Variants in KAZN observed in about 807,000 individuals in gnomAD.
The protein encoded by KAZN is kazrin, periplakin interacting protein.
KAZN carries 40 observed loss-of-function variants against 87.4 expected under a neutral mutation model. That is an observed-to-expected ratio of 0.46 (90% CI 0.36 to 0.60). The LOEUF (loss-of-function observed/expected upper bound fraction) is 0.60, where lower values mean the gene tolerates loss of function less well. Ranked by LOEUF, KAZN falls within the 20% of genes least tolerant of loss-of-function variation. The pLI is 0.00. For synonymous variants in KAZN, 466 were observed against 458.3 expected (o/e 1.02, Z -0.22); for missense variants, 898 against 1,073.9 (o/e 0.84, Z 2.29).
At chr1:14,020,920 C>T (rs998290503) in intron 1 of KAZN, among the ~76,000 whole-genome samples, 5 of 145,846 alleles carry the variant, frequency 3.4e-5, no homozygotes, top group South Asian at 2.1e-4. Flanking sequence ...GGGTCAGGCA[C>T]GTAGGTTTCT....
chr1:13,981,938 G>A (rs911616674), intron 1 of KAZN, among the ~76,000 whole-genome samples: 3 of 152,202 alleles, frequency 2.0e-5, no homozygotes, highest in Non-Finnish European at 2.9e-5. Context: ...CAAACCAGAA[G>A]ACTGACCTGG....
At chr1:15,073,305 G>A (rs1336417257) in intron 8 of KAZN, among the ~76,000 whole-genome samples, 3 of 152,230 alleles carry the variant, frequency 2.0e-5, no homozygotes, top group Non-Finnish European at 4.4e-5. Flanking sequence ...AGGGTCTAAG[G>A]CCGAGGCCCT....
intron 1 of KAZN, among the ~76,000 whole-genome samples, chr1:14,725,449 G>T (rs1018415685): frequency 7.1e-6 from 1 of 140,530 alleles, no homozygotes; most frequent in Non-Finnish European, 1.5e-5. Flanking sequence ...GTTTCATGAG[G>T]GTGGAGCTGT....
intron 1 of KAZN, among the ~76,000 whole-genome samples, chr1:14,730,106 C>A (rs776441188): frequency 6.6e-6 from 1 of 152,060 alleles, no homozygotes; most frequent in African/African-American, 2.4e-5. Flanking sequence ...TTAAATGTGA[C>A]AGAGTCTAGC....
intron 1 of KAZN, among the ~76,000 whole-genome samples, chr1:13,957,965 C>T (rs12043211): frequency 0.21 from 32,417 of 152,074 alleles, 4,281 homozygotes; most frequent in East Asian, 0.39. Flanking sequence ...GAACAGGAAA[C>T]GGAACAGGGA....
intron 2 of KAZN, among the ~76,000 whole-genome samples, chr1:14,567,170 G>A (rs1387726399): frequency 6.6e-6 from 1 of 152,070 alleles, no homozygotes; most frequent in African/African-American, 2.4e-5. Flanking sequence ...ACCCTTAGAG[G>A]TCATTGTAGG....
intron 1 of KAZN, among the ~76,000 whole-genome samples, chr1:14,651,216 T>C (rs1390424619): frequency 6.6e-6 from 1 of 152,218 alleles, no homozygotes; most frequent in African/African-American, 2.4e-5. Flanking sequence ...AAAGAAGCCA[T>C]TGTTGAAAAT....
chr1:14,249,659 A>G (rs1369655920), intron 2 of KAZN, among the ~76,000 whole-genome samples: 1 of 152,180 alleles, frequency 6.6e-6, no homozygotes, highest in African/African-American at 2.4e-5. Context: ...TCATTTCAGC[A>G]CATGTCCCAG....
intron 1 of KAZN, among the ~76,000 whole-genome samples, chr1:13,997,188 A>G (rs1446415270): frequency 6.6e-6 from 1 of 152,052 alleles, no homozygotes; most frequent in Non-Finnish European, 1.5e-5. Context: ...AACAACAACA[A>G]CAACAACCCC....
intron 1 of KAZN, among the ~76,000 whole-genome samples, chr1:13,998,613 A>T (rs982467388): frequency 2.8e-5 from 3 of 105,664 alleles, no homozygotes; most frequent in East Asian, 2.9e-4. Context: ...CAAGAAAGAT[A>T]AAAAAAAAAA....
chr1:14,082,448 G>A (rs532965041), intron 1 of KAZN, among the ~76,000 whole-genome samples: 22 of 152,272 alleles, frequency 1.4e-4, no homozygotes, highest in African/African-American at 5.1e-4. Context: ...CAAGGGCCAG[G>A]CCTGTAGTAG....
chr1:14,964,813 A>G (rs988376979), intron 2 of KAZN, among the ~76,000 whole-genome samples: 1 of 152,178 alleles, frequency 6.6e-6, no homozygotes, highest in Non-Finnish European at 1.5e-5. Flanking sequence ...AATTTCTAGC[A>G]TGTGAGAGGA....
At chr1:15,073,846 A>G (rs946740372) in intron 8 of KAZN, among the ~76,000 whole-genome samples, 4 of 152,206 alleles carry the variant, frequency 2.6e-5, no homozygotes, top group Non-Finnish European at 5.9e-5. Context: ...ACACCAGACC[A>G]TGAGCCCTAA....
chr1:14,787,746 G>A (rs1466735624), intron 1 of KAZN, among the ~76,000 whole-genome samples: 2 of 152,148 alleles, frequency 1.3e-5, no homozygotes, highest in African/African-American at 4.8e-5. Flanking sequence ...CCCTGCAGTT[G>A]TGCACAACAG....
intron 1 of KAZN, among the ~76,000 whole-genome samples, chr1:14,030,993 G>T (rs962135946): frequency 6.6e-6 from 1 of 151,962 alleles, no homozygotes; most frequent in Non-Finnish European, 1.5e-5. Flanking sequence ...CTTTATACAA[G>T]CCTATAATCT....
At chr1:14,770,180 A>G (rs1387538114) in intron 1 of KAZN, among the ~76,000 whole-genome samples, 1 of 152,192 alleles carries the variant, frequency 6.6e-6, no homozygotes, top group Admixed American at 6.5e-5. Flanking sequence ...AGCCTAAGGA[A>G]AAGAGAAAGC....
At chr1:14,416,980 G>GTGTATATGTATGTGTGTA (rs2101248902) in intron 2 of KAZN, among the ~76,000 whole-genome samples, 1 of 139,082 alleles carries the variant, frequency 7.2e-6, no homozygotes, top group African/African-American at 2.6e-5. Context: ...ATGTATATAT[G>GTGTATATGTATGTGTGTA]TGTATATATA....
intron 2 of KAZN, among the ~76,000 whole-genome samples, chr1:14,300,736 T>C (rs1654491467): frequency 6.6e-6 from 1 of 152,202 alleles, no homozygotes; most frequent in African/African-American, 2.4e-5. Flanking sequence ...TATATGCAGG[T>C]GGCTCAGTCA....
intron 2 of KAZN, among the ~76,000 whole-genome samples, chr1:14,576,925 G>A (rs940002480): frequency 2.0e-5 from 3 of 152,066 alleles, no homozygotes. Context: ...CCCAATTACT[G>A]GTGAATCAGA....
Sources: allele counts gnomAD v4.1 joint callset (sites outside exome capture counted in the v4.1 genomes callset), GRCh38; gene constraint gnomAD v4.1.1; transcripts MANE v1.5; gene names NCBI Gene and HGNC (gene_info 2026-07-23, HGNC 2026-07-21).